SBF2: variants seen among roughly 807,000 people sequenced by gnomAD.
SBF2 encodes myotubularin-related protein 13.
In SBF2, 112 loss-of-function variants were observed where a neutral mutation model predicts 225.2. The observed-to-expected ratio is 0.50, with a 90% CI of 0.43 to 0.58. The LOEUF (loss-of-function observed/expected upper bound fraction) is 0.58, where lower values mean the gene tolerates loss of function less well. Among genes scored for constraint, SBF2 ranks in the 20% least tolerant of loss-of-function variants. The pLI is 0.00. For missense variants in SBF2, 1,996 were observed against 2,206.2 expected, an observed-to-expected ratio of 0.90 and a Z score of 1.91; for synonymous variants, 763 against 773.3, an observed-to-expected ratio of 0.99 and a Z score of 0.22.
chr11:9,908,756 G>T (rs1216578741), intron 16 of SBF2, among the ~76,000 whole-genome samples: 1 of 152,058 alleles, frequency 6.6e-6, no homozygotes, highest in Non-Finnish European at 1.5e-5. Flanking sequence ...GAAGTGCGGT[G>T]GTGTGATTTT....
At chr11:10,031,827 C>A (rs1565154248) in intron 3 of SBF2, among the ~76,000 whole-genome samples, 1 of 152,200 alleles carries the variant, frequency 6.6e-6, no homozygotes, top group Non-Finnish European at 1.5e-5. Flanking sequence ...ACTGCAGCCT[C>A]AACTTTCTGG....
At chr11:9,817,607 A>G (rs1254961105) in intron 28 of SBF2, among the ~76,000 whole-genome samples, 4 of 152,094 alleles carry the variant, frequency 2.6e-5, no homozygotes, top group Non-Finnish European at 1.5e-5. Context: ...ATGAAGAATG[A>G]GAATTATAAG....
intron 2 of SBF2, among the ~76,000 whole-genome samples, chr11:10,165,345 A>G (rs1278398608): frequency 6.6e-6 from 1 of 152,178 alleles, no homozygotes; most frequent in Non-Finnish European, 1.5e-5. Context: ...GATTAGATCA[A>G]CTTTACATTA....
intron 1 of SBF2, among the ~76,000 whole-genome samples, chr11:10,235,114 T>G (rs1041570472): frequency 6.6e-6 from 1 of 152,226 alleles, no homozygotes; most frequent in Non-Finnish European, 1.5e-5. Flanking sequence ...TGAGATAATA[T>G]CAAGTTCATA....
chr11:10,252,201 C>T (rs1360754742), intron 1 of SBF2, among the ~76,000 whole-genome samples: 1 of 152,178 alleles, frequency 6.6e-6, no homozygotes, highest in Non-Finnish European at 1.5e-5. Flanking sequence ...CAGTGGGTTT[C>T]AAGACCAAAT....
At chr11:10,152,273 G>T (rs559921023) in intron 2 of SBF2, among the ~76,000 whole-genome samples, 1 of 152,088 alleles carries the variant, frequency 6.6e-6, no homozygotes, top group Non-Finnish European at 1.5e-5. Context: ...CATATAGGCC[G>T]GGAGCGGTGG....
At chr11:10,096,074 T>A (rs1278878763) in intron 2 of SBF2, among the ~76,000 whole-genome samples, 1 of 152,070 alleles carries the variant, frequency 6.6e-6, no homozygotes, top group African/African-American at 2.4e-5. Flanking sequence ...TGCCCTAACA[T>A]CTAATAAATA....
intron 3 of SBF2, 92 bp from the exon 4 acceptor site, chr11:10,031,262 G>A: frequency 1.7e-6 from 2 of 1,195,986 alleles, no homozygotes; most frequent in Non-Finnish European, 2.4e-6. Context: ...TATAACTTAT[G>A]CAAATTCAAA....
At chr11:9,823,035 A>G (rs1048631958) in intron 28 of SBF2, among the ~76,000 whole-genome samples, 1 of 152,242 alleles carries the variant, frequency 6.6e-6, no homozygotes, top group Non-Finnish European at 1.5e-5. Context: ...TGAAAAATTA[A>G]AAAGCTGCCT....
At chr11:10,160,466 A>G (rs545953106) in intron 2 of SBF2, among the ~76,000 whole-genome samples, 21 of 150,234 alleles carry the variant, frequency 1.4e-4, no homozygotes, top group African/African-American at 5.1e-4. Flanking sequence ...GAAAAAAGGA[A>G]GAAGGAAAAA....
At chr11:10,035,178 G>T (rs1309867021) in intron 3 of SBF2, among the ~76,000 whole-genome samples, 2 of 151,856 alleles carry the variant, frequency 1.3e-5, no homozygotes, top group African/African-American at 2.4e-5. Flanking sequence ...GTTTCACCGT[G>T]TTAGCCAGGA....
In SBF2 at chr11:10,254,900, C is replaced by CAAAAAAAAAAAAAAA. The variant is rs71034757; in HGVS notation, c.55+39100_55+39114dup. 7.0e-4 allele frequency among the ~76,000 whole-genome samples: 31 copies of CAAAAAAAAAAAAAAA among 44,074 alleles called. 2 individuals are homozygous for CAAAAAAAAAAAAAAA. The highest frequency in any genetic ancestry group is 9.5e-4 in the African/African-American group (10 of 10,554). The allele number at this position is 44,074 out of a possible 152,430, so 28.9% of individuals were successfully genotyped here. A position where few individuals can be genotyped will look rare whatever the true frequency, so the allele number is the denominator to read the frequency against. ...TGGGTGACAGAGTGAGACTCTGTCT[C>CAAAAAAAAAAAAAAA]AAAAAAAAAAAAAAAAAAAAAAAAA... On this transcript the variant is annotated intron_variant, in intron 1 of 39. Transcript: ENST00000256190.
At chr11:9,966,130 G>C (rs1446950623) in intron 14 of SBF2, among the ~76,000 whole-genome samples, 1 of 151,570 alleles carries the variant, frequency 6.6e-6, no homozygotes, top group East Asian at 1.9e-4. Flanking sequence ...CTGTCACCAA[G>C]GCTGGAGTAC....
intron 16 of SBF2, chr11:9,958,400 C>T (rs919568401): frequency 6.7e-6 from 1 of 149,918 alleles, no homozygotes; most frequent in Non-Finnish European, 1.5e-5. Flanking sequence ...CGCTGTCGCC[C>T]AGGCTGGAGT....
chr11:9,891,462 A>G (rs1233027142), intron 17 of SBF2, among the ~76,000 whole-genome samples: 1 of 152,196 alleles, frequency 6.6e-6, no homozygotes, highest in Non-Finnish European at 1.5e-5. Flanking sequence ...CAGCTGATCA[A>G]TGGATATGAA....
intron 2 of SBF2, among the ~76,000 whole-genome samples, chr11:10,046,954 C>T (rs1226865616): frequency 1.3e-5 from 2 of 148,232 alleles, no homozygotes; most frequent in Non-Finnish European, 3.0e-5. Flanking sequence ...AGTTAATATA[C>T]AAAAATCAAC....
chr11:10,001,761 C>G (rs938732125), intron 7 of SBF2, among the ~76,000 whole-genome samples: 32 of 151,982 alleles, frequency 2.1e-4, no homozygotes, highest in Admixed American at 2.0e-3. Flanking sequence ...CTCTTGACCT[C>G]GTGATCCACC....
intron 2 of SBF2, among the ~76,000 whole-genome samples, chr11:10,166,207 G>C (rs1312244179): frequency 1.3e-5 from 2 of 152,036 alleles, no homozygotes; most frequent in East Asian, 3.8e-4. Context: ...ACTTGACAAG[G>C]GTATTGTATA....
intron 19 of SBF2, 58 bp from the exon 20 acceptor site, chr11:9,853,770 A>G (rs1280128741): frequency 2.0e-6 from 3 of 1,478,300 alleles, no homozygotes; most frequent in African/African-American, 2.8e-5. Flanking sequence ...AATGACTACT[A>G]TATAGTAGTC....
Sources: allele counts gnomAD v4.1 joint callset (sites outside exome capture counted in the v4.1 genomes callset), GRCh38; gene constraint gnomAD v4.1.1; transcripts MANE v1.5; gene names NCBI Gene and HGNC (gene_info 2026-07-23, HGNC 2026-07-21).